FAM161A: variants seen among roughly 807,000 people sequenced by gnomAD.
FAM161A encodes the protein protein FAM161A.
FAM161A carries 57 observed loss-of-function variants against 70.9 expected under a neutral mutation model. The observed-to-expected ratio is 0.80, with a 90% CI of 0.65 to 1.00. The LOEUF (loss-of-function observed/expected upper bound fraction) is 1.00. FAM161A is among the 50% of genes least tolerant of loss of function. FAM161A has a pLI of 0.00. For synonymous variants in FAM161A, 299 were observed against 295.7 expected (o/e 1.01, Z -0.12); for missense variants, 880 against 836.0 (o/e 1.05, Z -0.65).
the FAM161A span, among the ~76,000 whole-genome samples, chr2:61,804,762 AAGAAAG>A: frequency 0.038 from 3,444 of 89,470 alleles, 50 homozygotes; most frequent in African/African-American, 0.055. Flanking sequence ...AAGAAAGAAA[AAGAAAG>A]AGAAAGAAAG....
chr2:61,839,037 C>T (rs1041235972), intron 3 of FAM161A, among the ~76,000 whole-genome samples: 7 of 151,634 alleles, frequency 4.6e-5, no homozygotes, highest in African/African-American at 1.5e-4. Flanking sequence ...CACCCGCCAC[C>T]ACGCCCAGCT....
chr2:61,841,863 T>A (rs1673030655), intron 2 of FAM161A, among the ~76,000 whole-genome samples: 2 of 152,214 alleles, frequency 1.3e-5, no homozygotes, highest in South Asian at 4.1e-4. Flanking sequence ...TGGCACAGAC[T>A]AAGTATTTTG....
the FAM161A span, among the ~76,000 whole-genome samples, chr2:61,814,298 T>C: frequency 6.6e-6 from 1 of 152,232 alleles, no homozygotes; most frequent in Non-Finnish European, 1.5e-5. Context: ...TTGCTTCTTA[T>C]TAGTTTTGTT....
At chr2:61,822,893 A>C (rs934468808), downstream of FAM161A, among the ~76,000 whole-genome samples, 2 of 152,158 alleles carry the variant, frequency 1.3e-5, no homozygotes, top group Middle Eastern at 3.4e-3. Flanking sequence ...CCCGGCCTGA[A>C]GTTAATGATT....
chr2:61,843,167 G>A (rs778532937), intron 1 of FAM161A, among the ~76,000 whole-genome samples: 4 of 152,026 alleles, frequency 2.6e-5, no homozygotes, highest in Admixed American at 6.6e-5. Context: ...TTTACGAGAC[G>A]GAGTCTCACT....
intron 1 of FAM161A, among the ~76,000 whole-genome samples, chr2:61,850,134 T>C (rs551648939): frequency 6.6e-6 from 1 of 152,250 alleles, no homozygotes; most frequent in South Asian, 2.1e-4. Flanking sequence ...TGGTAGCTCA[T>C]GCCTGTAATC....
At chr2:61,850,028 T>C (rs1485046893) in intron 1 of FAM161A, among the ~76,000 whole-genome samples, 1 of 152,076 alleles carries the variant, frequency 6.6e-6, no homozygotes, top group Non-Finnish European at 1.5e-5. Context: ...TTGGGTACCA[T>C]GCTCACTACC....
At chr2:61,804,282 A>G in the FAM161A span, among the ~76,000 whole-genome samples, 23 of 152,294 alleles carry the variant, frequency 1.5e-4, no homozygotes, top group African/African-American at 5.3e-4. Context: ...CAAGGTCTTT[A>G]TGACCTGTGT....
chr2:61,827,337 G>T, intron 5 of FAM161A, 79 bp from the exon 6 acceptor site: 2 of 1,466,876 alleles, frequency 1.4e-6, no homozygotes, highest in Non-Finnish European at 1.9e-6. Flanking sequence ...TAGGCCAGGC[G>T]CGGTGGCTCA....
chr2:61,845,641 G>A (rs1673178157), intron 1 of FAM161A, among the ~76,000 whole-genome samples: 3 of 151,948 alleles, frequency 2.0e-5, no homozygotes, highest in African/African-American at 7.3e-5. Context: ...TGGGCAACAC[G>A]GCGAGACACC....
chr2:61,810,679 C>T, the FAM161A span, among the ~76,000 whole-genome samples: 34 of 151,950 alleles, frequency 2.2e-4, no homozygotes, highest in African/African-American at 7.2e-4. Context: ...AGGCTTGTCT[C>T]GAACTCCCGA....
At chr2:61,832,972 T>A (rs1272285436) in intron 5 of FAM161A, among the ~76,000 whole-genome samples, 3 of 152,086 alleles carry the variant, frequency 2.0e-5, no homozygotes, top group East Asian at 3.9e-4. Flanking sequence ...AAGGAACTGA[T>A]GAATTACGAA....
the FAM161A span, among the ~76,000 whole-genome samples, chr2:61,808,642 C>T: frequency 2.6e-5 from 4 of 152,036 alleles, no homozygotes; most frequent in East Asian, 7.7e-4. Context: ...GCATAGAATA[C>T]AGTATTCAGG....
intron 1 of FAM161A, among the ~76,000 whole-genome samples, chr2:61,852,982 G>A (rs1364677582): frequency 7.8e-6 from 1 of 128,658 alleles, no homozygotes; most frequent in African/African-American, 3.0e-5. Context: ...TGAGATCTCA[G>A]CTCACTGCAA....
chr2:61,849,676 TCAGGAGGCTGAGG>T lies in FAM161A; in HGVS notation c.183+4170_183+4182del, dbSNP rs561069077. Among the ~76,000 whole-genome samples the T allele has an allele frequency of 1.5e-4, 23 of 149,846 alleles. No homozygotes were observed. In the East Asian group the frequency reaches 4.5e-3, roughly 30 times the overall value. ...GGTGTGCACCTGTAGTCCTAGCTACTCAGGAGGCTGAGGCAGGAGAATCACTTGAACCCAGGAG... is the reference window on the plus strand; with the variant it reads ...GGTGTGCACCTGTAGTCCTAGCTACTCAGGAGAATCACTTGAACCCAGGAG... On this transcript the variant is annotated intron_variant, in intron 1 of 6. Coordinates refer to ENST00000404929, the MANE Select transcript of FAM161A (RefSeq NM_001201543.2).
chr2:61,810,728 G>A, the FAM161A span, among the ~76,000 whole-genome samples: 1 of 151,862 alleles, frequency 6.6e-6, no homozygotes, highest in East Asian at 1.9e-4. Flanking sequence ...CCAAAGTGCT[G>A]GGATTACAGG....
the FAM161A span, among the ~76,000 whole-genome samples, chr2:61,813,680 C>T: frequency 6.9e-6 from 1 of 144,706 alleles, no homozygotes; most frequent in Non-Finnish European, 1.5e-5. Context: ...AATTGTGCCA[C>T]TGCATTCCAA....
chr2:61,803,847 C>T, the FAM161A span, among the ~76,000 whole-genome samples: 7 of 151,974 alleles, frequency 4.6e-5, no homozygotes, highest in African/African-American at 1.4e-4. Context: ...AGAGGCTGGG[C>T]GTGGTGGCTC....
At position 61,848,826 on chromosome 2, in the gene FAM161A, A is replaced by ATT. The variant is rs1418159008; in HGVS notation, c.183+5032_183+5033insAA. On this transcript the variant is annotated intron_variant, in intron 1 of 6. Transcript: ENST00000404929. ...TCTATATATATATTTATATATATAT[A>ATT]TCTATATATATTTATATATATATTT... Among the ~76,000 whole-genome samples the ATT allele has an allele frequency of 5.8e-3, 37 of 6,408 alleles. 9 individuals are homozygous for ATT. The highest frequency in any genetic ancestry group is 0.019 in the African/African-American group (30 of 1,602). 4.2% of individuals were successfully genotyped at this position (6,408 alleles called of 152,430 possible).
Sources: allele counts gnomAD v4.1 joint callset (sites outside exome capture counted in the v4.1 genomes callset), GRCh38; gene constraint gnomAD v4.1.1; transcripts MANE v1.5; gene names NCBI Gene and HGNC (gene_info 2026-07-23, HGNC 2026-07-21).